KCNH1: variants seen among roughly 807,000 people sequenced by gnomAD.
The protein encoded by KCNH1 is voltage-gated delayed rectifier potassium channel KCNH1.
Under a neutral mutation model 69.2 loss-of-function variants are expected in KCNH1, and 27 were observed. The observed-to-expected ratio is 0.39, with a 90% confidence interval of 0.29 to 0.54. KCNH1 has a LOEUF of 0.54. KCNH1 is among the 20% of genes least tolerant of loss of function. The probability of loss-of-function intolerance (pLI) is 0.68; values close to 1 mark genes in which losing one functional copy is unlikely to be tolerated. For synonymous variants in KCNH1, 456 were observed against 487.7 expected (o/e 0.93, Z 0.86); for missense variants, 798 against 1,261.6 (o/e 0.63, Z 5.57).
intron 6 of KCNH1, among the ~76,000 whole-genome samples, chr1:210,990,128 C>G (rs951324507): frequency 1.3e-5 from 2 of 152,232 alleles, no homozygotes; most frequent in Non-Finnish European, 2.9e-5. Flanking sequence ...TAATGCAGAC[C>G]TGTAACTAAT....
chr1:211,131,417 C>T (rs1369326719), intron 1 of KCNH1, among the ~76,000 whole-genome samples: 1 of 152,124 alleles, frequency 6.6e-6, no homozygotes, highest in East Asian at 1.9e-4. Flanking sequence ...TTTGCTCTGC[C>T]ACTTTGAATA....
chr1:210,955,459 G>T (rs916516100), intron 6 of KCNH1, among the ~76,000 whole-genome samples: 1 of 152,176 alleles, frequency 6.6e-6, no homozygotes, highest in Admixed American at 6.5e-5. Context: ...GTAGCTTGAT[G>T]GGGATGGCAT....
In KCNH1 at chr1:211,090,554, T is replaced by A. The variant is rs1691034669; in HGVS notation, c.439+8A>T. The A allele has an allele frequency of 6.3e-7, 1 of 1,594,002 alleles. No individual in the cohort carries two copies. Among genetic ancestry groups the A allele is most frequent in the South Asian group, 1.2e-5 (1 of 86,622 alleles). On this transcript the variant is annotated splice_region_variant and intron_variant, in intron 4 of 10. Transcript: ENST00000271751. ...ATAAATGTATTTGTACAAGTCAGAA[T>A]TACAAACCTTTACATGAATCATCCT...
intron 7 of KCNH1, among the ~76,000 whole-genome samples, chr1:210,804,887 C>T (rs539082590): frequency 4.5e-4 from 69 of 152,080 alleles, no homozygotes; most frequent in Admixed American, 1.0e-3. Context: ...AAAATCAAGT[C>T]CCCTTTGAGA....
At chr1:210,939,661 T>C (rs1687843273) in intron 6 of KCNH1, among the ~76,000 whole-genome samples, 1 of 152,222 alleles carries the variant, frequency 6.6e-6, no homozygotes, top group Non-Finnish European at 1.5e-5. Flanking sequence ...TTAATCATCA[T>C]GACCTTTTGA....
intron 5 of KCNH1, among the ~76,000 whole-genome samples, chr1:211,076,471 T>C (rs931423775): frequency 1.3e-5 from 2 of 152,224 alleles, no homozygotes; most frequent in Non-Finnish European, 2.9e-5. Flanking sequence ...AAACAAGATC[T>C]GGAATGGACC....
intron 7 of KCNH1, among the ~76,000 whole-genome samples, chr1:210,850,252 C>T (rs1377283305): frequency 6.6e-6 from 1 of 152,028 alleles, no homozygotes; most frequent in African/African-American, 2.4e-5. Flanking sequence ...TAATCCCATC[C>T]TTTTGGGAGG....
chr1:211,012,547 G>A (rs1689412833), intron 6 of KCNH1, among the ~76,000 whole-genome samples: 1 of 152,148 alleles, frequency 6.6e-6, no homozygotes, highest in Non-Finnish European at 1.5e-5. Context: ...GAGACTACAG[G>A]CTGTGTGATT....
intron 10 of KCNH1, among the ~76,000 whole-genome samples, chr1:210,766,017 C>T (rs1023899283): frequency 3.3e-5 from 5 of 151,844 alleles, no homozygotes; most frequent in African/African-American, 9.7e-5. Context: ...GAGCCGAGAT[C>T]GCGCCACTGC....
At chr1:210,829,703 T>C (rs1225028385) in intron 7 of KCNH1, among the ~76,000 whole-genome samples, 1 of 152,210 alleles carries the variant, frequency 6.6e-6, no homozygotes, top group Non-Finnish European at 1.5e-5. Flanking sequence ...ACATCTCTTT[T>C]AAGTCTTGGC....
At chr1:210,863,605 C>T (rs563775158) in intron 7 of KCNH1, among the ~76,000 whole-genome samples, 7 of 152,318 alleles carry the variant, frequency 4.6e-5, no homozygotes, top group African/African-American at 1.2e-4. Flanking sequence ...AATGTTTCCA[C>T]CTTAATGTGC....
intron 10 of KCNH1, among the ~76,000 whole-genome samples, chr1:210,748,804 C>T (rs917623280): frequency 6.6e-6 from 1 of 152,178 alleles, no homozygotes; most frequent in Non-Finnish European, 1.5e-5. Context: ...CTCCTGTCAC[C>T]CTTGAGTCCT....
intron 10 of KCNH1, among the ~76,000 whole-genome samples, chr1:210,693,463 A>G (rs114230218): frequency 0.017 from 2,576 of 152,330 alleles, 34 homozygotes; most frequent in Middle Eastern, 0.031. Flanking sequence ...AGGAGCAACC[A>G]AAGAGAGGCC....
At chr1:210,916,890 G>A (rs1476883200) in intron 7 of KCNH1, among the ~76,000 whole-genome samples, 1 of 152,092 alleles carries the variant, frequency 6.6e-6, no homozygotes, top group African/African-American at 2.4e-5. Flanking sequence ...GCTCACGCAT[G>A]TAATCCTTGC....
intron 1 of KCNH1, among the ~76,000 whole-genome samples, chr1:211,117,741 T>C (rs1398339963): frequency 6.6e-6 from 1 of 152,188 alleles, no homozygotes; most frequent in Non-Finnish European, 1.5e-5. Flanking sequence ...CCTAATGAGC[T>C]GTAGGTAAGT....
At chr1:211,041,897 G>A (rs963635288) in intron 5 of KCNH1, among the ~76,000 whole-genome samples, 1 of 152,172 alleles carries the variant, frequency 6.6e-6, no homozygotes, top group African/African-American at 2.4e-5. Context: ...TGAGATTACA[G>A]ATGCATGCCA....
intron 6 of KCNH1, among the ~76,000 whole-genome samples, chr1:210,980,296 G>A (rs1501545): frequency 0.13 from 20,057 of 152,150 alleles, 1,652 homozygotes; most frequent in East Asian, 0.39. Context: ...AGCATGTAAG[G>A]CCCATAATCA....
chr1:211,082,071 T>C (rs1284340228), intron 5 of KCNH1, among the ~76,000 whole-genome samples: 1 of 152,120 alleles, frequency 6.6e-6, no homozygotes, highest in Non-Finnish European at 1.5e-5. Context: ...CCTAATAAGA[T>C]ACCTTGTCAG....
intron 5 of KCNH1, among the ~76,000 whole-genome samples, chr1:211,073,658 T>C (rs182894993): frequency 1.3e-5 from 2 of 152,162 alleles, no homozygotes; most frequent in Non-Finnish European, 2.9e-5. Context: ...ATAAAATATA[T>C]TTTAACTAAA....
Sources: allele counts gnomAD v4.1 joint callset (sites outside exome capture counted in the v4.1 genomes callset), GRCh38; gene constraint gnomAD v4.1.1; transcripts MANE v1.5; gene names NCBI Gene and HGNC (gene_info 2026-07-23, HGNC 2026-07-21).